Variants in TRPM3 observed in about 807,000 individuals in gnomAD.
TRPM3 encodes the protein transient receptor potential cation channel subfamily M member 3.
Under a neutral mutation model 181.2 loss-of-function variants are expected in TRPM3, and 77 were observed. The observed-to-expected ratio is 0.42, with a 90% CI of 0.35 to 0.51. TRPM3 has a LOEUF of 0.51. Ranked by LOEUF, TRPM3 falls within the 20% of genes least tolerant of loss-of-function variation. The probability of loss-of-function intolerance (pLI) is 0.01; values close to 1 mark genes in which losing one functional copy is unlikely to be tolerated. For missense variants in TRPM3, 1,759 were observed against 2,196.7 expected, an observed-to-expected ratio of 0.80 and a Z score of 3.98; for synonymous variants, 745 against 796.4, an observed-to-expected ratio of 0.94 and a Z score of 1.09.
At chr9:71,020,689 C>T (rs1233132760) in intron 1 of TRPM3, among the ~76,000 whole-genome samples, 1 of 152,130 alleles carries the variant, frequency 6.6e-6, no homozygotes, top group East Asian at 1.9e-4. Context: ...AAAACATCTA[C>T]TCTCAAACTG....
intron 1 of TRPM3, among the ~76,000 whole-genome samples, chr9:71,105,054 C>T (rs1390920413): frequency 6.6e-6 from 1 of 151,996 alleles, no homozygotes; most frequent in South Asian, 2.1e-4. Flanking sequence ...CACAGGAGTC[C>T]CAAATGGGAA....
chr9:71,135,412 A>G (rs1199990205), intron 1 of TRPM3, among the ~76,000 whole-genome samples: 1 of 152,166 alleles, frequency 6.6e-6, no homozygotes, highest in Non-Finnish European at 1.5e-5. Context: ...AAAAGTAGCA[A>G]TGTGAACTCT....
intron 1 of TRPM3, among the ~76,000 whole-genome samples, chr9:71,433,065 T>G (rs12350810): frequency 0.15 from 22,470 of 152,254 alleles, 1,995 homozygotes; most frequent in African/African-American, 0.25. Context: ...CTTTTTGCCT[T>G]TGTCTTCATT....
intron 1 of TRPM3, among the ~76,000 whole-genome samples, chr9:71,420,806 A>AGAAAGAGAGG (rs2093735797): frequency 1.7e-4 from 4 of 23,022 alleles, no homozygotes; most frequent in African/African-American, 4.7e-4. Context: ...AAAGAAAGAG[A>AGAAAGAGAGG]GAAAGAAAGA....
chr9:70,625,075 T>A lies in TRPM3; in HGVS notation c.1809+116A>T, dbSNP rs918299990. ...ATTACTTTTCTTTGATTGTTTAGGTTCACTCTCAGCGCAATTTTCTGATTT... is the reference window on the plus strand; with the variant it reads ...ATTACTTTTCTTTGATTGTTTAGGTACACTCTCAGCGCAATTTTCTGATTT... On this transcript the variant is annotated intron_variant, in intron 14 of 25. Coordinates refer to ENST00000677713, the MANE Select transcript of TRPM3 (RefSeq NM_001366145.2). This position sits in a 1 kb window ranked among gnomAD's most constrained non-coding sequence, Gnocchi z 4.8. The A allele has an allele frequency of 3.1e-5, 35 of 1,142,756 alleles. No homozygotes were observed. In the African/African-American group the frequency reaches 4.7e-4, roughly 15 times the overall value. The allele number at this position is 1,142,756 out of a possible 1,614,324, so 70.8% of individuals were successfully genotyped here. A position where few individuals can be genotyped will look rare whatever the true frequency, so the allele number is the denominator to read the frequency against.
chr9:70,529,417 A>C lies in TRPM3; in HGVS notation c.*6536T>G, dbSNP rs929225831. On this transcript the variant is annotated 3_prime_UTR_variant, in exon 26 of 26. Coordinates refer to ENST00000677713, the MANE Select transcript of TRPM3 (RefSeq NM_001366145.2). The stretch of plus-strand genomic sequence containing the variant: ...ATTATAAACTAGGGTTAGAACGTTT[A>C]CAAATGAGAGTCTAGGTCCTATATT... 1 of 152,230 alleles carries C rather than the reference A, an allele frequency of 6.6e-6. No homozygotes were observed. Among genetic ancestry groups the C allele is most frequent in the Non-Finnish European group, 1.5e-5 (1 of 68,046 alleles). The allele number at this position is 152,230 out of a possible 1,614,324, so 9.4% of individuals were successfully genotyped here.
chr9:70,535,510 AT>A lies in TRPM3; in HGVS notation c.*442del, dbSNP rs1281311532. On this transcript the variant is annotated 3_prime_UTR_variant, in exon 26 of 26. Coordinates refer to ENST00000677713, the MANE Select transcript of TRPM3 (RefSeq NM_001366145.2). ...AAAGAAAACAGAATGGAAGTTTAGA[AT>A]ATCTCATTGTGTACGCTGGCTATTT... 6.5e-7 allele frequency: 1 copy of A among 1,550,180 alleles called. No homozygotes were observed. The highest frequency in any genetic ancestry group is 2.0e-5 in the Admixed American group (1 of 50,952).
chr9:70,688,925 T>C (rs1427265413), intron 8 of TRPM3, among the ~76,000 whole-genome samples: 1 of 152,194 alleles, frequency 6.6e-6, no homozygotes, highest in Admixed American at 6.5e-5. Flanking sequence ...GCAGTTTATT[T>C]GCAGTCAGGA....
At chr9:70,569,621 G>C in intron 22 of TRPM3, among the ~76,000 whole-genome samples, 1 of 152,190 alleles carries the variant, frequency 6.6e-6, no homozygotes, top group Non-Finnish European at 1.5e-5. Flanking sequence ...AGAAGTCTGT[G>C]TGTTAGCATC....
At chr9:71,322,131 T>G (rs149994550) in intron 1 of TRPM3, among the ~76,000 whole-genome samples, 1 of 152,090 alleles carries the variant, frequency 6.6e-6, no homozygotes, top group South Asian at 2.1e-4. Context: ...CAACTTGGAT[T>G]TTGTGTTACA....
chr9:71,252,825 C>A (rs768569945), intron 1 of TRPM3, among the ~76,000 whole-genome samples: 10 of 148,052 alleles, frequency 6.8e-5, no homozygotes, highest in Non-Finnish European at 1.2e-4. Context: ...GGCATGCACA[C>A]CTCGCCTGGC....
intron 7 of TRPM3, among the ~76,000 whole-genome samples, chr9:70,772,745 G>A (rs564516164): frequency 6.6e-6 from 1 of 152,288 alleles, no homozygotes; most frequent in Non-Finnish European, 1.5e-5. Context: ...TGTTGGCTGT[G>A]TCTCTGTCAT....
intron 1 of TRPM3, among the ~76,000 whole-genome samples, chr9:71,291,158 G>C (rs1162653012): frequency 1.3e-5 from 2 of 152,128 alleles, no homozygotes; most frequent in African/African-American, 4.8e-5. Flanking sequence ...CCAAAATGGA[G>C]ACAGTCTTGT....
At chr9:70,827,703 T>G (rs895097072) in intron 6 of TRPM3, 144 bp downstream of exon 6, 3 of 1,019,210 alleles carry the variant, frequency 2.9e-6, no homozygotes, top group African/African-American at 3.2e-5. Context: ...CTTCCTCTCA[T>G]TCTAAGCTCT....
At chr9:70,744,656 G>A (rs555428309) in intron 8 of TRPM3, among the ~76,000 whole-genome samples, 1 of 152,132 alleles carries the variant, frequency 6.6e-6, no homozygotes, top group Non-Finnish European at 1.5e-5. Context: ...TGGACACTGT[G>A]CCTTCATTTT....
chr9:71,271,866 G>A (rs1335125309), intron 1 of TRPM3, among the ~76,000 whole-genome samples: 1 of 152,070 alleles, frequency 6.6e-6, no homozygotes, highest in East Asian at 1.9e-4. Context: ...GGGGCAAACT[G>A]TAGAGTGATG....
intron 1 of TRPM3, among the ~76,000 whole-genome samples, chr9:71,016,983 G>A (rs989554770): frequency 4.6e-5 from 7 of 152,050 alleles, no homozygotes; most frequent in African/African-American, 1.2e-4. Flanking sequence ...GACTTTTTGT[G>A]CTTGTATTTA....
At chr9:70,866,508 C>T (rs2095652355) in intron 1 of TRPM3, among the ~76,000 whole-genome samples, 1 of 152,024 alleles carries the variant, frequency 6.6e-6, no homozygotes, top group African/African-American at 2.4e-5. Flanking sequence ...ACAGCAATAC[C>T]TGCAACACAG....
Position 70,753,776 on chromosome 9 carries a change from C to T in TRPM3, c.1272+7825G>A, listed in dbSNP as rs191406688. ...TGGAGTGGGGAGTAGATTTTAAAGT[C>T]TTAGATTTTGGAGCAGCAAGGCTTT... On this transcript the variant is annotated intron_variant, in intron 8 of 25. Transcript: ENST00000677713. Among the ~76,000 whole-genome samples the T allele has an allele frequency of 2.0e-5, 3 of 151,960 alleles. No homozygotes were observed. In the East Asian group the frequency reaches 5.8e-4, roughly 29 times the overall value.
Sources: allele counts gnomAD v4.1 joint callset (sites outside exome capture counted in the v4.1 genomes callset), GRCh38; gene constraint gnomAD v4.1.1; non-coding constraint Gnocchi (gnomAD v3.1); transcripts MANE v1.5; gene names NCBI Gene and HGNC (gene_info 2026-07-23, HGNC 2026-07-21).